Variants in PIP4K2A observed in about 807,000 individuals in gnomAD.
PIP4K2A encodes phosphatidylinositol 5-phosphate 4-kinase type-2 alpha.
Under a neutral mutation model 42.9 loss-of-function variants are expected in PIP4K2A, and 14 were observed. The observed-to-expected ratio is 0.33, with a 90% confidence interval of 0.22 to 0.51. The LOEUF is 0.51. PIP4K2A is among the 20% of genes least tolerant of loss of function. The pLI is 0.97. For missense variants in PIP4K2A, 434 were observed against 519.8 expected (o/e 0.83, Z 1.61); for synonymous variants, 192 against 192.2 (o/e 1.00, Z 0.01).
intron 4 of PIP4K2A, among the ~76,000 whole-genome samples, chr10:22,588,391 T>C (rs958434098): frequency 1.3e-5 from 2 of 151,954 alleles, no homozygotes; most frequent in African/African-American, 4.9e-5. Flanking sequence ...GGGAACTCCT[T>C]AGAGTCAACC....
intron 1 of PIP4K2A, among the ~76,000 whole-genome samples, chr10:22,644,171 A>G (rs1838835172): frequency 6.6e-6 from 1 of 152,170 alleles, no homozygotes; most frequent in Non-Finnish European, 1.5e-5. Flanking sequence ...CTCCACGCAC[A>G]GAGTAGCACC....
chr10:22,705,537 C>A (rs1460362609), intron 1 of PIP4K2A, among the ~76,000 whole-genome samples: 1 of 150,106 alleles, frequency 6.7e-6, no homozygotes, highest in Non-Finnish European at 1.5e-5. Flanking sequence ...ATTCCCCCAC[C>A]AGCTTGGCCC....
At chr10:22,696,067 C>T (rs1284388903) in intron 1 of PIP4K2A, among the ~76,000 whole-genome samples, 1 of 152,122 alleles carries the variant, frequency 6.6e-6, no homozygotes, top group Non-Finnish European at 1.5e-5. Context: ...ATCTGTAATC[C>T]CTCCTCAGAG....
At chr10:22,625,282 A>T (rs752128816) in intron 1 of PIP4K2A, among the ~76,000 whole-genome samples, 56 of 152,352 alleles carry the variant, frequency 3.7e-4, no homozygotes, top group Admixed American at 6.5e-4. Context: ...GAAAATTCAA[A>T]AATTAGTTTT....
At chr10:22,570,574 G>A (rs1183171739) in intron 5 of PIP4K2A, among the ~76,000 whole-genome samples, 5 of 152,170 alleles carry the variant, frequency 3.3e-5, no homozygotes, top group Non-Finnish European at 7.4e-5. Context: ...CCAGTGTGTG[G>A]GGACTTCAGA....
At chr10:22,574,095 G>C (rs1837053613) in intron 4 of PIP4K2A, among the ~76,000 whole-genome samples, 1 of 12,274 alleles carries the variant, frequency 8.1e-5, no homozygotes. Context: ...TCCGAGGAGA[G>C]TTGCAAAAAA....
At position 22,537,117 on chromosome 10, in the gene PIP4K2A, C is replaced by G; in HGVS notation, c.*84G>C. 9.8e-7 allele frequency: 1 copy of G among 1,015,984 alleles called. No individual in the cohort carries two copies. The highest frequency in any genetic ancestry group is 1.5e-6 in the Non-Finnish European group (1 of 667,386). The allele number at this position is 1,015,984 out of a possible 1,614,324, so 62.9% of individuals were successfully genotyped here. On this transcript the variant is annotated 3_prime_UTR_variant, in exon 10 of 10. Transcript: ENST00000376573. ...TTTGCTTCCTGCAAGATGAGTACTTCACTGAGTTTGGTTTTCATTTTTCCT... is the reference window on the plus strand; with the variant it reads ...TTTGCTTCCTGCAAGATGAGTACTTGACTGAGTTTGGTTTTCATTTTTCCT...
chr10:22,637,493 C>T (rs1838691803), intron 1 of PIP4K2A, among the ~76,000 whole-genome samples: 2 of 152,222 alleles, frequency 1.3e-5, no homozygotes, highest in South Asian at 4.1e-4. Flanking sequence ...CCAAACATAA[C>T]AACACATGCT....
At chr10:22,595,836 G>C (rs762498664) in intron 3 of PIP4K2A, among the ~76,000 whole-genome samples, 6 of 152,160 alleles carry the variant, frequency 3.9e-5, no homozygotes. Context: ...CCGGGTCTAT[G>C]AAGTGATGGA....
chr10:22,572,768 T>C (rs1837021073), intron 5 of PIP4K2A, among the ~76,000 whole-genome samples: 1 of 152,182 alleles, frequency 6.6e-6, no homozygotes, highest in Admixed American at 6.5e-5. Context: ...GGCCCCCCTT[T>C]ATCTCCAAGC....
intron 1 of PIP4K2A, among the ~76,000 whole-genome samples, chr10:22,645,192 G>A (rs941554048): frequency 2.6e-5 from 4 of 152,238 alleles, no homozygotes; most frequent in African/African-American, 7.2e-5. Flanking sequence ...AATGGGTGAC[G>A]ATGACAAAAA....
In PIP4K2A at chr10:22,570,606, C is replaced by T. The variant is rs959646865; in HGVS notation, c.639+2705G>A. Among the ~76,000 whole-genome samples the T allele has an allele frequency of 3.9e-5, 6 of 152,348 alleles. No individual in the cohort carries two copies. The East Asian group carries it at 1.2e-3, about 29-fold the overall frequency. On this transcript the variant is annotated intron_variant, in intron 5 of 9. Transcript: ENST00000376573. ...CAGAGGTTAGGAGACAAGCCCAGACCATTTCCTTCACTTAGACTAGCATTT... is the reference window on the plus strand; with the variant it reads ...CAGAGGTTAGGAGACAAGCCCAGACTATTTCCTTCACTTAGACTAGCATTT...
At chr10:22,570,065 T>C (rs1836948671) in intron 5 of PIP4K2A, among the ~76,000 whole-genome samples, 1 of 151,832 alleles carries the variant, frequency 6.6e-6, no homozygotes, top group Non-Finnish European at 1.5e-5. Context: ...GGCGCTATCT[T>C]AGGCATTGCA....
intron 4 of PIP4K2A, among the ~76,000 whole-genome samples, chr10:22,588,545 C>CT (rs1837447358): frequency 1.3e-5 from 2 of 152,234 alleles, no homozygotes; most frequent in South Asian, 2.1e-4. Context: ...TCTTCCTTTT[C>CT]TTTTTTTCAT....
intron 1 of PIP4K2A, among the ~76,000 whole-genome samples, chr10:22,646,458 A>T (rs1838883712): frequency 6.6e-6 from 1 of 152,100 alleles, no homozygotes; most frequent in Non-Finnish European, 1.5e-5. Flanking sequence ...GTTATCTTGT[A>T]CTCATCTAAT....
intron 4 of PIP4K2A, among the ~76,000 whole-genome samples, chr10:22,580,105 C>T (rs923434961): frequency 6.6e-6 from 1 of 151,698 alleles, no homozygotes; most frequent in Non-Finnish European, 1.5e-5. Flanking sequence ...ATATGTGCCC[C>T]AAATGCTCTC....
intron 3 of PIP4K2A, among the ~76,000 whole-genome samples, chr10:22,600,669 G>A (rs557867914): frequency 5.9e-5 from 9 of 152,216 alleles, no homozygotes; most frequent in South Asian, 2.1e-4. Flanking sequence ...CGAATCACAC[G>A]GCCCAGGAGA....
Position 22,536,841 on chromosome 10 carries a change from CTCAT to C in PIP4K2A, c.*356_*359del, listed in dbSNP as rs902301371. On this transcript the variant is annotated 3_prime_UTR_variant, in exon 10 of 10. Coordinates refer to ENST00000376573, the MANE Select transcript of PIP4K2A (RefSeq NM_005028.5). ...GTTCATTCACTCACTCACTCACTCA[CTCAT>C]TCATTCGGCCATAGCTGGAATCAAA... The C allele has an allele frequency of 4.7e-5, 8 of 168,552 alleles. No homozygotes were observed. The highest frequency in any genetic ancestry group is 3.2e-4 in the Admixed American group (5 of 15,640). 10.4% of individuals were successfully genotyped at this position (168,552 alleles called of 1,614,324 possible).
chr10:22,589,024 T>G (rs4748818), intron 4 of PIP4K2A, among the ~76,000 whole-genome samples: 88,083 of 151,998 alleles, frequency 0.58, 26,284 homozygotes, highest in East Asian at 0.94. Flanking sequence ...TAGGTTACAA[T>G]AACTAACCCA....
Sources: allele counts gnomAD v4.1 joint callset (sites outside exome capture counted in the v4.1 genomes callset), GRCh38; gene constraint gnomAD v4.1.1; transcripts MANE v1.5; gene names NCBI Gene and HGNC (gene_info 2026-07-23, HGNC 2026-07-21).